NCF4: variants seen among roughly 807,000 people sequenced by gnomAD.
NCF4 encodes neutrophil cytosolic factor 4, also known as neutrophil cytosol factor 4.
In NCF4, 30 loss-of-function variants were observed where a neutral mutation model predicts 41.7. The observed-to-expected ratio is 0.72, with a 90% CI of 0.54 to 0.97. The LOEUF (loss-of-function observed/expected upper bound fraction) is 0.97, where lower values mean the gene tolerates loss of function less well. Ranked by LOEUF, NCF4 falls within the 50% of genes least tolerant of loss-of-function variation. The probability of loss-of-function intolerance (pLI) is 0.00; values close to 1 mark genes in which losing one functional copy is unlikely to be tolerated. For missense variants in NCF4, 432 were observed against 460.9 expected, an observed-to-expected ratio of 0.94 and a Z score of 0.57; for synonymous variants, 195 against 175.8, an observed-to-expected ratio of 1.11 and a Z score of -0.87.
chr22:36,865,167 G>C lies in NCF4; in HGVS notation c.271+95G>C. ...GTTCTGTGATTTGATCTCAACCCCA[G>C]TGAAAACTGTTCATGTAGTTTATAG... On this transcript the variant is annotated intron_variant, in intron 3 of 9. Transcript: ENST00000248899. This position sits in a 1 kb window ranked among gnomAD's most constrained non-coding sequence, Gnocchi z 4.3. 6.5e-7 allele frequency: 1 copy of C among 1,539,696 alleles called. No homozygotes were observed. The highest frequency in any genetic ancestry group is 2.3e-5 in the East Asian group (1 of 43,684).
intron 7 of NCF4, among the ~76,000 whole-genome samples, chr22:36,874,212 G>A (rs1410857810): frequency 1.3e-5 from 2 of 152,244 alleles, no homozygotes; most frequent in African/African-American, 2.4e-5. Context: ...CCCACAGAAG[G>A]GCTGTGTTCT....
At chr22:36,864,468 C>A (rs913328077) in intron 2 of NCF4, among the ~76,000 whole-genome samples, 1 of 152,204 alleles carries the variant, frequency 6.6e-6, no homozygotes, top group Non-Finnish European at 1.5e-5. Context: ...GACCTCAGAA[C>A]CTCCACCTGG....
chr22:36,877,654 C>A lies in NCF4; in HGVS notation c.851C>A (p.Ala284Asp), dbSNP rs1166384228. 1.2e-6 allele frequency: 2 copies of A among 1,614,060 alleles called. No individual in the cohort carries two copies. The highest frequency in any genetic ancestry group is 1.7e-6 in the Non-Finnish European group (2 of 1,180,050). ...TRREFQREDI[A>D]LNYRDAEGDL... ...CGGGAGTTCCAGAGAGAGGACATAG[C>A]TCTGAATTACCGGGACGCTGAGGGG... Residue 284 changes from alanine to aspartate, a missense_variant, in exon 10 of 10, where the codon GCT (alanine) becomes GAT (aspartate). Physicochemically the swap from Ala to Asp is moderately radical, Grantham distance 126. Coordinates refer to ENST00000248899, the MANE Select transcript of NCF4 (RefSeq NM_000631.5).
At chr22:36,869,578 G>T (rs1159430168) in intron 4 of NCF4, among the ~76,000 whole-genome samples, 1 of 152,152 alleles carries the variant, frequency 6.6e-6, no homozygotes, top group Non-Finnish European at 1.5e-5. Flanking sequence ...GCAGGGCTCT[G>T]GGTGCCTCTG....
Position 36,872,167 on chromosome 22 carries a change from C to T in NCF4, c.529-160C>T. On this transcript the variant is annotated intron_variant, in intron 6 of 9. Transcript: ENST00000248899. ...AGGGAGACCTGGGTTCAATTCCCAGCTCCTCCACTAAAAAATGGGGTGGCC... is the reference window on the plus strand; with the variant it reads ...AGGGAGACCTGGGTTCAATTCCCAGTTCCTCCACTAAAAAATGGGGTGGCC... 3 of 731,452 alleles carry T rather than the reference C, an allele frequency of 4.1e-6. No individual in the cohort carries two copies. In the South Asian group the frequency reaches 4.5e-5, roughly 11 times the overall value. The allele number at this position is 731,452 out of a possible 1,614,324, so 45.3% of individuals were successfully genotyped here.
rs373460310 is a variant in NCF4, at chr22:36,875,847, C to T, written c.758+64C>T. On this transcript the variant is annotated intron_variant, in intron 8 of 9. Transcript: ENST00000248899. ...TGCCATCCCTACGACCACTGCCCCT[C>T]ACATCACCTTCTCATGGGTCCCTCT... 1.9e-6 allele frequency: 3 copies of T among 1,614,002 alleles called. No homozygotes were observed. The highest frequency in any genetic ancestry group is 2.5e-6 in the Non-Finnish European group (3 of 1,180,014).
chr22:36,863,231 C>T (rs741999), intron 1 of NCF4, among the ~76,000 whole-genome samples: 62,740 of 151,928 alleles, frequency 0.41, 13,988 homozygotes, highest in East Asian at 0.5. Flanking sequence ...GTAGGGTGAG[C>T]AGAGTCCTTG....
chr22:36,862,793 A>C (rs1939807356), intron 1 of NCF4, among the ~76,000 whole-genome samples: 1 of 152,326 alleles, frequency 6.6e-6, no homozygotes, highest in Middle Eastern at 3.4e-3. Context: ...TGAGACATCC[A>C]AAGATGGGGA....
chr22:36,863,935 G>A (rs1362538489), intron 1 of NCF4, 110 bp from the exon 2 acceptor site: 26 of 1,025,706 alleles, frequency 2.5e-5, no homozygotes, highest in Admixed American at 5.1e-5. Context: ...GCTGAGAGAC[G>A]AATGTTGGCT....
chr22:36,864,089 T>C lies in NCF4; in HGVS notation c.77T>C (p.Ile26Thr). The C allele has an allele frequency of 6.2e-7, 1 of 1,614,180 alleles. No homozygotes were observed. The highest frequency in any genetic ancestry group is 8.5e-7 in the Non-Finnish European group (1 of 1,180,010). ...GATGATGTTGCCATCTCGGCCAACA[T>C]TGCTGACATCGAGGAGAAGAGAGGC... ...LPDDVAISAN[I>T]ADIEEKRGFT... is the part of the protein sequence containing the mutation. Residue 26 changes from isoleucine to threonine, a missense_variant, in exon 2 of 10, where the codon ATT (isoleucine) becomes ACT (threonine). Transcript: ENST00000248899.
intron 7 of NCF4, among the ~76,000 whole-genome samples, chr22:36,873,382 G>A (rs1940126831): frequency 6.6e-6 from 1 of 151,784 alleles, no homozygotes; most frequent in South Asian, 2.1e-4. Context: ...TGAGGATGGA[G>A]GTGAGAATGC....
intron 7 of NCF4, among the ~76,000 whole-genome samples, chr22:36,872,691 A>AAGGCTGGAGGTGAGATTGGAGGTG (rs1482647405): frequency 1.7e-3 from 42 of 24,760 alleles, no homozygotes; most frequent in Non-Finnish European, 2.6e-3. Flanking sequence ...GATTGGAGGT[A>AAGGCTGGAGGTGAGATTGGAGGTG]AGGTTGGAGG....
In NCF4 at chr22:36,865,006, C is replaced by G. The variant is rs1454245398; in HGVS notation, c.205C>G (p.Leu69Val). The G allele has an allele frequency of 6.2e-7, 1 of 1,614,056 alleles. No homozygotes were observed. Among genetic ancestry groups the G allele is most frequent in the Non-Finnish European group, 8.5e-7 (1 of 1,180,028 alleles). The change falls in exon 3 of 10, where the codon CTG (leucine) becomes GTG (valine). Residue 69 changes from leucine to valine, a missense_variant. By Grantham distance (32) the Leu-to-Val change is conservative (BLOSUM62 1). Transcript: ENST00000248899. The surrounding 1 kb of genome is among the most constrained non-coding windows in gnomAD (Gnocchi z 4.3). ...CCAGTTCCATGCTTTGCAGAGCAAG[C>G]TGGAGGAGCGCTTCGGGCCAGACAG... The part of the protein sequence containing the change: ...YRQFHALQSK[L>V]EERFGPDSKS...
Position 36,865,199 on chromosome 22 carries a change from C to A in NCF4, c.271+127C>A. On this transcript the variant is annotated intron_variant, in intron 3 of 9. Coordinates refer to ENST00000248899, the MANE Select transcript of NCF4 (RefSeq NM_000631.5). The surrounding 1 kb of genome is among the most constrained non-coding windows in gnomAD (Gnocchi z 4.3). ...CTGTTCATGTAGTTTATAGCCCCCA[C>A]TCCCGGCAGTTACAGGCTGCCAAGC... is the stretch of plus-strand genomic sequence containing the variant. 7.2e-7 allele frequency: 1 copy of A among 1,386,574 alleles called. No homozygotes were observed. The highest frequency in any genetic ancestry group is 9.9e-7 in the Non-Finnish European group (1 of 1,012,094). 85.9% of individuals were successfully genotyped at this position (1,386,574 alleles called of 1,614,324 possible).
At position 36,864,088 on chromosome 22, in the gene NCF4, A is replaced by G. The variant is rs541007080; in HGVS notation, c.76A>G (p.Ile26Val). Residue 26 changes from isoleucine to valine, a missense_variant, in exon 2 of 10, where the codon ATT becomes GTT. Coordinates refer to ENST00000248899, the MANE Select transcript of NCF4 (RefSeq NM_000631.5). ...GGATGATGTTGCCATCTCGGCCAAC[A>G]TTGCTGACATCGAGGAGAAGAGAGG... ...LPDDVAISAN[I>V]ADIEEKRGFT... The G allele has an allele frequency of 1.2e-6, 2 of 1,614,152 alleles. No homozygotes were observed. Among genetic ancestry groups the G allele is most frequent in the Admixed American group, 1.7e-5 (1 of 60,022 alleles).
intron 4 of NCF4, 81 bp downstream of exon 4, chr22:36,867,543 G>A: frequency 6.7e-7 from 1 of 1,483,640 alleles, no homozygotes; most frequent in Non-Finnish European, 9.4e-7. Flanking sequence ...CCCTGGGTAT[G>A]GCTTTGGGAA....
At chr22:36,863,941 T>A (rs1320378742) in intron 1 of NCF4, 104 bp from the exon 2 acceptor site, 1 of 1,087,580 alleles carries the variant, frequency 9.2e-7, no homozygotes, top group African/African-American at 1.6e-5. Context: ...AGACGAATGT[T>A]GGCTTCACAA....
At chr22:36,874,549 C>G (rs2145724849) in intron 7 of NCF4, among the ~76,000 whole-genome samples, 1 of 152,300 alleles carries the variant, frequency 6.6e-6, no homozygotes, top group South Asian at 2.1e-4. Flanking sequence ...GGGCCACTTT[C>G]CAGAAATAGA....
chr22:36,869,317 T>C (rs921303059), intron 4 of NCF4, among the ~76,000 whole-genome samples: 1 of 152,194 alleles, frequency 6.6e-6, no homozygotes, highest in Non-Finnish European at 1.5e-5. Context: ...CTCATTTAAT[T>C]CTCACACAAT....
Sources: allele counts gnomAD v4.1 joint callset (sites outside exome capture counted in the v4.1 genomes callset), GRCh38; gene constraint gnomAD v4.1.1; non-coding constraint Gnocchi (gnomAD v3.1); transcripts MANE v1.5; gene names NCBI Gene and HGNC (gene_info 2026-07-23, HGNC 2026-07-21).